Variants in ARHGAP12 observed in about 807,000 individuals in gnomAD.
The protein encoded by ARHGAP12 is rho GTPase-activating protein 12.
A neutral mutation model predicts 108.6 loss-of-function variants in ARHGAP12; 64 were observed. That is an observed-to-expected ratio of 0.59 (90% CI 0.48 to 0.73). The LOEUF (loss-of-function observed/expected upper bound fraction) is 0.73, where lower values mean the gene tolerates loss of function less well. Ranked by LOEUF, ARHGAP12 falls within the 30% of genes least tolerant of loss-of-function variation. The probability of loss-of-function intolerance (pLI) is 0.00; values close to 1 mark genes in which losing one functional copy is unlikely to be tolerated. For synonymous variants in ARHGAP12, 312 were observed against 337.2 expected, an observed-to-expected ratio of 0.93 and a Z score of 0.82; for missense variants, 940 against 1,005.9, an observed-to-expected ratio of 0.93 and a Z score of 0.89.
chr10:31,926,470 A>G (rs1232215269), intron 1 of ARHGAP12, among the ~76,000 whole-genome samples: 2 of 152,248 alleles, frequency 1.3e-5, no homozygotes, highest in African/African-American at 4.8e-5. Context: ...ACTACAAAAT[A>G]GTGCATATTT....
At chr10:31,872,394 C>T (rs1259927982) in intron 3 of ARHGAP12, among the ~76,000 whole-genome samples, 2 of 152,162 alleles carry the variant, frequency 1.3e-5, no homozygotes, top group Non-Finnish European at 2.9e-5. Flanking sequence ...TCCTCTGCCT[C>T]AACCTTCTTC....
chr10:31,826,511 T>C (rs910246276), intron 10 of ARHGAP12, 126 bp from the exon 11 acceptor site: 9 of 682,310 alleles, frequency 1.3e-5, no homozygotes, highest in Non-Finnish European at 2.1e-5. Context: ...GACATTTTAA[T>C]TGTTTTTATT....
At chr10:31,862,435 C>T (rs1837149652) in intron 3 of ARHGAP12, among the ~76,000 whole-genome samples, 1 of 152,068 alleles carries the variant, frequency 6.6e-6, no homozygotes, top group Non-Finnish European at 1.5e-5. Flanking sequence ...CTACTTCATA[C>T]CCTTTGTATA....
intron 3 of ARHGAP12, among the ~76,000 whole-genome samples, chr10:31,903,355 C>G (rs1482454003): frequency 6.6e-6 from 1 of 152,034 alleles, no homozygotes; most frequent in African/African-American, 2.4e-5. Flanking sequence ...CTTCTGGTAC[C>G]GTCATCATTC....
At chr10:31,884,803 T>C (rs183243925) in intron 3 of ARHGAP12, among the ~76,000 whole-genome samples, 29 of 152,278 alleles carry the variant, frequency 1.9e-4, no homozygotes, top group Admixed American at 1.5e-3. Context: ...AGTCTTGAGA[T>C]TGAGAAGCTG....
intron 7 of ARHGAP12, among the ~76,000 whole-genome samples, chr10:31,842,825 A>T (rs941254847): frequency 2.6e-5 from 4 of 152,120 alleles, no homozygotes; most frequent in African/African-American, 9.7e-5. Flanking sequence ...TTCCCAACTT[A>T]TCCCCAAAAT....
chr10:31,835,438 T>C (rs1835982127), intron 9 of ARHGAP12, among the ~76,000 whole-genome samples: 1 of 152,156 alleles, frequency 6.6e-6, no homozygotes, highest in African/African-American at 2.4e-5. Context: ...GCAGGAATGC[T>C]TTAATAAGGA....
rs1835604417 is a variant in ARHGAP12, at chr10:31,826,338, A to T, written c.1496T>A (p.Leu499His). 12 of 1,612,906 alleles carry T rather than the reference A, an allele frequency of 7.4e-6. No homozygotes were observed. The highest frequency in any genetic ancestry group is 9.3e-6 in the Non-Finnish European group (11 of 1,179,416). ...GCTACTTCCTTGAGTTTTGGTAAAAAGTAAAGATGAACCCTGCAACACCGC... is the reference window on the plus strand; with the variant it reads ...GCTACTTCCTTGAGTTTTGGTAAAATGTAAAGATGAACCCTGCAACACCGC... Reference protein sequence around the residue: ...SWAVLQGSSLLFTKTQGSSTS... With the variant: ...SWAVLQGSSLHFTKTQGSSTS... The change falls in exon 11 of 20, where the codon CTT (leucine) becomes CAT (histidine). Residue 499 changes from leucine to histidine, a missense_variant. Leu to His is a moderately conservative substitution (Grantham distance 99). Transcript: ENST00000344936.
chr10:31,899,154 C>T (rs1464179334), intron 3 of ARHGAP12, among the ~76,000 whole-genome samples: 1 of 152,160 alleles, frequency 6.6e-6, no homozygotes, highest in East Asian at 1.9e-4. Flanking sequence ...TTAATGGTTG[C>T]TTGGTGCTGA....
At chr10:31,869,170 C>T (rs915823510) in intron 3 of ARHGAP12, among the ~76,000 whole-genome samples, 1 of 152,022 alleles carries the variant, frequency 6.6e-6, no homozygotes, top group Non-Finnish European at 1.5e-5. Context: ...TAAAAATCAG[C>T]TTTCTAACAT....
intron 4 of ARHGAP12, among the ~76,000 whole-genome samples, chr10:31,859,607 AT>A (rs77406787): frequency 0.46 from 69,229 of 151,926 alleles, 16,102 homozygotes; most frequent in Middle Eastern, 0.51. Flanking sequence ...CCCTGTATAC[AT>A]AGTCACTCCC....
At chr10:31,916,864 C>T (rs1224533769) in intron 1 of ARHGAP12, among the ~76,000 whole-genome samples, 1 of 152,036 alleles carries the variant, frequency 6.6e-6, no homozygotes, top group Non-Finnish European at 1.5e-5. Flanking sequence ...ATCCGCCCGC[C>T]TTGGCCTCCC....
chr10:31,870,220 T>A (rs1174953436), intron 3 of ARHGAP12, among the ~76,000 whole-genome samples: 1 of 150,554 alleles, frequency 6.6e-6, no homozygotes, highest in African/African-American at 2.4e-5. Flanking sequence ...TCCTTTACCA[T>A]AATTTCTGTC....
At chr10:31,921,712 C>T (rs1049827065) in intron 1 of ARHGAP12, among the ~76,000 whole-genome samples, 4 of 127,652 alleles carry the variant, frequency 3.1e-5, no homozygotes, top group South Asian at 2.6e-4. Flanking sequence ...TGCAGTGAGC[C>T]GAGATTGTGC....
At chr10:31,839,368 T>G in intron 8 of ARHGAP12, 49 bp from the exon 9 acceptor site, 1 of 1,543,108 alleles carries the variant, frequency 6.5e-7, no homozygotes, top group Non-Finnish European at 8.8e-7. Flanking sequence ...GTCTGGGAAT[T>G]TTATATTTAT....
intron 3 of ARHGAP12, among the ~76,000 whole-genome samples, chr10:31,878,841 C>T (rs1471218307): frequency 1.3e-5 from 2 of 152,200 alleles, no homozygotes; most frequent in Non-Finnish European, 2.9e-5. Context: ...AATACCCTCC[C>T]AATTTTTAAG....
intron 3 of ARHGAP12, among the ~76,000 whole-genome samples, chr10:31,888,607 T>C (rs886789332): frequency 4.6e-5 from 7 of 152,122 alleles, no homozygotes; most frequent in African/African-American, 1.4e-4. Flanking sequence ...AATGCCCAAA[T>C]GAATAATCCC....
intron 4 of ARHGAP12, among the ~76,000 whole-genome samples, chr10:31,858,693 T>G (rs983638984): frequency 1.3e-5 from 2 of 152,120 alleles, no homozygotes; most frequent in Non-Finnish European, 2.9e-5. Context: ...TGTTCTAGGG[T>G]AACCACTAAA....
chr10:31,854,030 T>TCATAAATA (rs1194758575), intron 5 of ARHGAP12, 36 bp downstream of exon 5: 1 of 1,578,084 alleles, frequency 6.3e-7, no homozygotes, highest in Non-Finnish European at 8.6e-7. Flanking sequence ...GAGAGAATTC[T>TCATAAATA]GCCAAAAAAC....
Sources: allele counts gnomAD v4.1 joint callset (sites outside exome capture counted in the v4.1 genomes callset), GRCh38; gene constraint gnomAD v4.1.1; transcripts MANE v1.5; gene names NCBI Gene and HGNC (gene_info 2026-07-23, HGNC 2026-07-21).